The following ZMIZ1 variants were observed in gnomAD, a reference collection of about 807,000 sequenced individuals.
The protein encoded by ZMIZ1 is zinc finger MIZ domain-containing protein 1.
ZMIZ1 carries 17 observed loss-of-function variants against 113.9 expected under a neutral mutation model. The observed-to-expected ratio is 0.15, with a 90% CI of 0.10 to 0.22. ZMIZ1 has a LOEUF of 0.22. Among genes scored for constraint, ZMIZ1 ranks in the 10% least tolerant of loss-of-function variants. The pLI, the probability that ZMIZ1 is intolerant of heterozygous loss-of-function variation, is 1.00. For missense variants in ZMIZ1, 1,059 were observed against 1,477.8 expected (o/e 0.72, Z 4.65); for synonymous variants, 607 against 603.1 (o/e 1.01, Z -0.09).
At chr10:79,301,174 CT>C (rs1306628993) in intron 17 of ZMIZ1, among the ~76,000 whole-genome samples, 1 of 152,306 alleles carries the variant, frequency 6.6e-6, no homozygotes, top group Non-Finnish European at 1.5e-5. Flanking sequence ...GACGTGGCCT[CT>C]TCCCCTGGAC....
intron 7 of ZMIZ1, among the ~76,000 whole-genome samples, chr10:79,233,150 G>A (rs1418578614): frequency 6.6e-6 from 1 of 152,244 alleles, no homozygotes; most frequent in Non-Finnish European, 1.5e-5. Flanking sequence ...TGTTGAGGGG[G>A]AGCAGCAGAA....
chr10:79,097,758 A>G (rs1315069442), intron 1 of ZMIZ1, among the ~76,000 whole-genome samples: 3 of 151,926 alleles, frequency 2.0e-5, no homozygotes, highest in Non-Finnish European at 4.4e-5. Context: ...AATTTCTGTC[A>G]CTTTGGGCTT....
rs944620369 is a variant in ZMIZ1 at position 79,226,841 on chromosome 10, C to G, written c.280+10567C>G. On this transcript the variant is annotated intron_variant, in intron 7 of 24. Transcript: ENST00000334512. ...CATCAGTTTTGCCTCTTTAGACATA[C>G]AGAGCCAGGACAGGTCAGGGAAGGG... 7.9e-5 allele frequency among the ~76,000 whole-genome samples: 12 copies of G among 152,254 alleles called. No individual in the cohort carries two copies. The South Asian group carries it at 1.5e-3, about 18-fold the overall frequency.
chr10:79,247,452 C>G (rs1007621897), intron 7 of ZMIZ1, among the ~76,000 whole-genome samples: 1 of 152,180 alleles, frequency 6.6e-6, no homozygotes, highest in African/African-American at 2.4e-5. Context: ...CGTGAGGACC[C>G]CTGGGTGGGC....
intron 13 of ZMIZ1, among the ~76,000 whole-genome samples, chr10:79,297,273 G>A (rs1362861073): frequency 6.6e-6 from 1 of 152,132 alleles, no homozygotes. Context: ...TATTTTCTTG[G>A]GAGTAAAGAA....
intron 3 of ZMIZ1, among the ~76,000 whole-genome samples, chr10:79,157,069 A>G (rs1225669786): frequency 6.7e-6 from 1 of 148,576 alleles, no homozygotes; most frequent in Non-Finnish European, 1.5e-5. Context: ...CTCTTTGAGC[A>G]TTGAAGGATG....
At chr10:79,216,953 T>G (rs1848756357) in intron 7 of ZMIZ1, among the ~76,000 whole-genome samples, 2 of 152,204 alleles carry the variant, frequency 1.3e-5, no homozygotes, top group Admixed American at 6.5e-5. Context: ...CAGTTTTATT[T>G]TACATTTCCC....
intron 7 of ZMIZ1, among the ~76,000 whole-genome samples, chr10:79,265,917 T>C (rs1212460085): frequency 1.3e-5 from 2 of 152,310 alleles, no homozygotes; most frequent in African/African-American, 4.8e-5. Context: ...CCCAACAGGG[T>C]GAGCTCTCTG....
chr10:79,129,597 T>C (rs1222115518), intron 2 of ZMIZ1, among the ~76,000 whole-genome samples: 1 of 152,206 alleles, frequency 6.6e-6, no homozygotes, highest in Non-Finnish European at 1.5e-5. Context: ...GCATGACTCA[T>C]GCCTGGTGGG....
chr10:79,195,238 C>A (rs926916656), intron 4 of ZMIZ1, among the ~76,000 whole-genome samples: 1 of 152,230 alleles, frequency 6.6e-6, no homozygotes, highest in Non-Finnish European at 1.5e-5. Flanking sequence ...CCAGCCCGAT[C>A]CTGTGCTTTG....
intron 7 of ZMIZ1, among the ~76,000 whole-genome samples, chr10:79,221,399 C>T (rs1478366927): frequency 6.6e-6 from 1 of 152,224 alleles, no homozygotes; most frequent in Non-Finnish European, 1.5e-5. Context: ...TTTGTTCTGG[C>T]GCAGCCTTTA....
chr10:79,302,032 G>T (rs141150173), intron 17 of ZMIZ1, 75 bp from the exon 18 acceptor site: 23,841 of 1,475,894 alleles, frequency 0.016, 242 homozygotes, highest in Middle Eastern at 0.029. Context: ...GAGCAGTCTA[G>T]GGCTGCTGAG....
In ZMIZ1 at chr10:79,145,344, T is replaced by TGCCCGCACGACAGA. The variant is rs11268036; in HGVS notation, c.-131+5570_-131+5571insCGCACGACAGAGCC. On this transcript the variant is annotated intron_variant, in intron 3 of 24. Transcript: ENST00000334512. ...CCTTTCCCGAAGCTGCATTCCGGAG[T>TGCCCGCACGACAGA]GCCTGCGAGGTGTGCTGGGCTGGGG... 5.9e-5 allele frequency among the ~76,000 whole-genome samples: 9 copies of TGCCCGCACGACAGA among 151,878 alleles called. No homozygotes were observed. The East Asian group carries it at 9.8e-4, about 17-fold the overall frequency.
In ZMIZ1 at chr10:79,310,239, T is replaced by C. The variant is rs552458784; in HGVS notation, c.2836-685T>C. ...GGGCTGGTGCCGACCAAGTGGGATGTCTAGGAAAAGGGTCTGGCAGGGTGT... is the reference window on the plus strand; with the variant it reads ...GGGCTGGTGCCGACCAAGTGGGATGCCTAGGAAAAGGGTCTGGCAGGGTGT... On this transcript the variant is annotated intron_variant, in intron 23 of 24. Coordinates refer to ENST00000334512, the MANE Select transcript of ZMIZ1 (RefSeq NM_020338.4). Among the ~76,000 whole-genome samples the C allele has an allele frequency of 2.4e-4, 36 of 152,250 alleles. 1 individual carries two copies. Among genetic ancestry groups the C allele is most frequent in the Admixed American group, 6.5e-4 (10 of 15,306 alleles).
chr10:79,095,362 A>G (rs1843134587), intron 1 of ZMIZ1, among the ~76,000 whole-genome samples: 2 of 152,232 alleles, frequency 1.3e-5, no homozygotes, highest in South Asian at 4.1e-4. Context: ...TTTCAATAGT[A>G]CTGTTATAAA....
chr10:79,218,680 G>C (rs1848837980), intron 7 of ZMIZ1, among the ~76,000 whole-genome samples: 1 of 152,024 alleles, frequency 6.6e-6, no homozygotes, highest in African/African-American at 2.4e-5. Flanking sequence ...GGATGGCAAG[G>C]GGGTGTTGTT....
chr10:79,304,266 C>T, intron 19 of ZMIZ1, 91 bp downstream of exon 19: 1 of 1,493,782 alleles, frequency 6.7e-7, no homozygotes. Flanking sequence ...AGAGCCTGTC[C>T]TAACACTGTC....
At chr10:79,149,229 G>A (rs1308410530) in intron 3 of ZMIZ1, among the ~76,000 whole-genome samples, 1 of 152,204 alleles carries the variant, frequency 6.6e-6, no homozygotes, top group Non-Finnish European at 1.5e-5. Context: ...TCCCATCTGT[G>A]TTCATCCCCA....
chr10:79,313,824 G>A lies in ZMIZ1; in HGVS notation c.*1075G>A, dbSNP rs1204832528. On this transcript the variant is annotated 3_prime_UTR_variant, in exon 25 of 25. Transcript: ENST00000334512. ...TTCCGTGGGACACCCACTTCCCTCT[G>A]TCCTAGTTCTCTTTGTCCAATCAGA... The A allele has an allele frequency of 1.4e-5, 5 of 355,824 alleles. No individual in the cohort carries two copies. The highest frequency in any genetic ancestry group is 8.6e-5 in the African/African-American group (4 of 46,708). The allele number at this position is 355,824 out of a possible 1,614,324, so 22.0% of individuals were successfully genotyped here.
Sources: gnomAD v4.1 joint callset for allele counts (sites outside exome capture counted in the v4.1 genomes callset) on GRCh38, gnomAD v4.1.1 for gene constraint, MANE v1.5 for transcripts, NCBI Gene and HGNC (gene_info 2026-07-23, HGNC 2026-07-21) for gene names.